Variants in SH3BP2 observed in about 807,000 individuals in gnomAD.
SH3BP2 encodes the protein SH3 domain binding protein 2, also known as SH3 domain-binding protein 2.
A neutral mutation model predicts 56.2 loss-of-function variants in SH3BP2; 38 were observed. The observed-to-expected ratio is 0.68, with a 90% CI of 0.52 to 0.89. SH3BP2 has a LOEUF of 0.89. SH3BP2 is among the 40% of genes least tolerant of loss of function. The pLI, the probability that SH3BP2 is intolerant of heterozygous loss-of-function variation, is 0.00. For synonymous variants in SH3BP2, 346 were observed against 316.7 expected (o/e 1.09, Z -0.98); for missense variants, 748 against 762.6 (o/e 0.98, Z 0.23).
chr4:2,831,981 C>T lies in SH3BP2; in HGVS notation c.1406+3C>T. On this transcript the variant is annotated splice_donor_region_variant and intron_variant, in intron 10 of 12. Coordinates refer to ENST00000503393, the MANE Select transcript of SH3BP2 (RefSeq NM_001122681.2). This position sits in a 1 kb window ranked among gnomAD's most constrained non-coding sequence, Gnocchi z 4.1. ...ACGGAGTCCTGCGAAGTGGAAAGGT[C>T]AGCACAAAGCCCTGTGTGTGCTGGG... 6.2e-7 allele frequency: 1 copy of T among 1,612,870 alleles called. No homozygotes were observed.
chr4:2,800,324 C>T (rs895406620), intron 1 of SH3BP2, among the ~76,000 whole-genome samples: 1 of 152,132 alleles, frequency 6.6e-6, no homozygotes, highest in Non-Finnish European at 1.5e-5. Flanking sequence ...AAGGGCATCC[C>T]CAAGTCACTC....
At chr4:2,833,638 G>T in intron 12 of SH3BP2, 59 bp from the exon 13 acceptor site, 2 of 1,572,556 alleles carry the variant, frequency 1.3e-6, no homozygotes, top group Non-Finnish European at 8.6e-7. Flanking sequence ...GGGAGACTGA[G>T]GCCTAGAGCC....
intron 3 of SH3BP2, 103 bp from the exon 4 acceptor site, chr4:2,824,510 G>A: frequency 1.2e-6 from 1 of 862,194 alleles, no homozygotes; most frequent in Non-Finnish European, 2.0e-6. Context: ...CTCTTCCGTT[G>A]GGGCGTGGTG....
intron 1 of SH3BP2, among the ~76,000 whole-genome samples, chr4:2,801,589 G>A (rs897058235): frequency 6.6e-6 from 1 of 152,182 alleles, no homozygotes; most frequent in Admixed American, 6.5e-5. Flanking sequence ...CCCAGCAGAG[G>A]GGCTGGCCTG....
Position 2,837,251 on chromosome 4 carries a change from A to T in SH3BP2, c.*3417A>T, listed in dbSNP as rs1360423585. 6.6e-6 allele frequency: 1 copy of T among 151,320 alleles called. No homozygotes were observed. The highest frequency in any genetic ancestry group is 1.5e-5 in the Non-Finnish European group (1 of 67,788). 9.4% of individuals were successfully genotyped at this position (151,320 alleles called of 1,614,324 possible). On this transcript the variant is annotated 3_prime_UTR_variant, in exon 13 of 13. Coordinates refer to ENST00000503393, the MANE Select transcript of SH3BP2 (RefSeq NM_001122681.2). ...ACCATGTTGGCCAGGCTGGTCTTGA[A>T]CTCCTGACCTCAACTGATCCGCCCA...
Position 2,829,845 on chromosome 4 carries a change from G to A in SH3BP2, c.939G>A (p.Gly313=), listed in dbSNP as rs1344868909. The A allele has an allele frequency of 6.2e-7, 1 of 1,613,482 alleles. No homozygotes were observed. The highest frequency in any genetic ancestry group is 8.5e-7 in the Non-Finnish European group (1 of 1,179,994). Residue 313 remains glycine, a synonymous_variant, in exon 8 of 13, where the codon GGG becomes GGA. Coordinates refer to ENST00000503393, the MANE Select transcript of SH3BP2 (RefSeq NM_001122681.2). This position sits in a 1 kb window ranked among gnomAD's most constrained non-coding sequence, Gnocchi z 4.9. ...CGGAGCCCTGGACCCCTGGCCACGG[G>A]GCCTGCTCCACTTCCAGTGCTGCCA... is the stretch of plus-strand genomic sequence containing the variant. The part of the protein sequence containing the change: ...PSPEPWTPGH[G]ACSTSSAAIM...
intron 10 of SH3BP2, 128 bp from the exon 11 acceptor site, chr4:2,832,203 G>A (rs991794581): frequency 1.5e-5 from 15 of 1,024,010 alleles, no homozygotes; most frequent in East Asian, 1.2e-4. Flanking sequence ...ACGGCAGCCC[G>A]ACGTGCTCAG....
intron 1 of SH3BP2, among the ~76,000 whole-genome samples, chr4:2,800,679 C>T (rs530578268): frequency 1.8e-4 from 28 of 152,232 alleles, no homozygotes; most frequent in African/African-American, 6.7e-4. Flanking sequence ...GCCTCGGCTC[C>T]CACGGGTCTG....
chr4:2,797,747 G>A (rs1317551818), intron 1 of SH3BP2, among the ~76,000 whole-genome samples: 33 of 152,260 alleles, frequency 2.2e-4, no homozygotes, highest in East Asian at 1.9e-4. Context: ...TCAGGGTCGC[G>A]TCTGAGAGCC....
Position 2,829,302 on chromosome 4 carries a change from G to A in SH3BP2, c.587-191G>A, listed in dbSNP as rs1349472672. 1.3e-5 allele frequency among the ~76,000 whole-genome samples: 2 copies of A among 152,084 alleles called. No homozygotes were observed. Among genetic ancestry groups the A allele is most frequent in the African/African-American group, 4.8e-5 (2 of 41,404 alleles). On this transcript the variant is annotated intron_variant, in intron 7 of 12. Transcript: ENST00000503393. This position sits in a 1 kb window ranked among gnomAD's most constrained non-coding sequence, Gnocchi z 4.9. ...AGGGAGGATGAATGGGGAAGGCTGG[G>A]GGTGGTGGGTGGTCTGGGACCCTGG...
intron 1 of SH3BP2, among the ~76,000 whole-genome samples, chr4:2,806,996 G>A (rs576344855): frequency 2.6e-5 from 4 of 152,350 alleles, no homozygotes; most frequent in East Asian, 3.9e-4. Flanking sequence ...CCCTTTGTCC[G>A]TTGCACACAG....
chr4:2,813,754 C>T (rs571822846), intron 1 of SH3BP2, among the ~76,000 whole-genome samples: 12 of 152,128 alleles, frequency 7.9e-5, no homozygotes, highest in African/African-American at 1.2e-4. Context: ...TGAGTGTGCA[C>T]GTATGAGTAG....
At chr4:2,824,758 A>G in intron 4 of SH3BP2, 28 bp downstream of exon 4, 1 of 1,531,054 alleles carries the variant, frequency 6.5e-7, no homozygotes, top group Non-Finnish European at 9.0e-7. Context: ...GACGAGTGCA[A>G]GGTGACTGGG....
rs1480732275 is a variant in SH3BP2, at chr4:2,834,013, G to A, written c.*179G>A. On this transcript the variant is annotated 3_prime_UTR_variant, in exon 13 of 13. Transcript: ENST00000503393. Reference sequence around the variant, plus strand: ...CTCATCCAGCAGGTTGGGTTCTAGGGCTGAACCAGGCGCCAGGCTCCAGAG... The same window carrying A: ...CTCATCCAGCAGGTTGGGTTCTAGGACTGAACCAGGCGCCAGGCTCCAGAG... The A allele has an allele frequency of 4.2e-6, 3 of 707,404 alleles. No homozygotes were observed. In the East Asian group the frequency reaches 8.2e-5, roughly 19 times the overall value. The allele number at this position is 707,404 out of a possible 1,614,324, so 43.8% of individuals were successfully genotyped here.
intron 1 of SH3BP2, among the ~76,000 whole-genome samples, chr4:2,808,748 C>T (rs1002898194): frequency 1.3e-5 from 2 of 151,818 alleles, no homozygotes; most frequent in East Asian, 1.9e-4. Flanking sequence ...TGGGGGTGCC[C>T]GCCTTCCCCC....
rs1463360262 is a variant in SH3BP2, at chr4:2,829,627, A to G, written c.721A>G (p.Lys241Glu). Residue 241 changes from lysine to glutamate, a missense_variant, in exon 8 of 13, where the codon AAG (lysine) becomes GAG (glutamate). By Grantham distance (56) the Lys-to-Glu change is moderately conservative. Transcript: ENST00000503393. The surrounding 1 kb of genome is among the most constrained non-coding windows in gnomAD (Gnocchi z 4.9). Reference sequence around the variant, plus strand: ...TCCCCTACTGCCACCCCCGCCCCCTAAGCACGGCCTCCCAGATGTTGGCCT... The same window carrying G: ...TCCCCTACTGCCACCCCCGCCCCCTGAGCACGGCCTCCCAGATGTTGGCCT... ...PGPLLPPPPP[K>E]HGLPDVGLAA... 6.2e-7 allele frequency: 1 copy of G among 1,610,530 alleles called. No individual in the cohort carries two copies. The highest frequency in any genetic ancestry group is 1.7e-5 in the Admixed American group (1 of 59,824).
At chr4:2,796,756 GC>G (rs879566893) in intron 1 of SH3BP2, 1 of 152,358 alleles carries the variant, frequency 6.6e-6, no homozygotes, top group African/African-American at 2.4e-5. Flanking sequence ...GTCTGCTCAA[GC>G]CTGCAGAGGG....
In SH3BP2 at chr4:2,796,553, G is replaced by A. The variant is rs919700261; in HGVS notation, c.-5+3415G>A. ...TGGCCTCTGGGAAGAATGTGGGCTC[G>A]GCCACCTGGAGCAGTTGCCTGGGGA... is the stretch of plus-strand genomic sequence containing the variant. On this transcript the variant is annotated intron_variant, in intron 1 of 12. Transcript: ENST00000503393. 17 of 793,256 alleles carry A rather than the reference G, an allele frequency of 2.1e-5. No individual in the cohort carries two copies. In the African/African-American group the frequency reaches 2.5e-4, roughly 11 times the overall value. 49.1% of individuals were successfully genotyped at this position (793,256 alleles called of 1,614,324 possible). A position where few individuals can be genotyped will look rare whatever the true frequency, so the allele number is the denominator to read the frequency against.
chr4:2,830,130 G>A lies in SH3BP2; in HGVS notation c.1224G>A (p.Pro408=), dbSNP rs774621888. The A allele has an allele frequency of 2.4e-5, 38 of 1,601,270 alleles. No homozygotes were observed. The highest frequency in any genetic ancestry group is 1.7e-4 in the Middle Eastern group (1 of 6,020). ...CAGTCCTGCCCAGGCCAGAGAAGCC[G>A]CAGCTCCCGCACCTCCAGTGAGTTT... is the stretch of plus-strand genomic sequence containing the variant. The part of the protein sequence containing the change: ...RPAVLPRPEK[P]QLPHLQRSPP... Residue 408 remains proline (P), a synonymous_variant, in exon 8 of 13, where the codon CCG becomes CCA. Transcript: ENST00000503393.
Sources: gnomAD v4.1 joint callset for allele counts (sites outside exome capture counted in the v4.1 genomes callset) on GRCh38, gnomAD v4.1.1 for gene constraint, Gnocchi (gnomAD v3.1) non-coding constraint, MANE v1.5 for transcripts, NCBI Gene and HGNC (gene_info 2026-07-23, HGNC 2026-07-21) for gene names.